The following PCDH11X variants were observed in gnomAD, a reference collection of about 807,000 sequenced individuals.
PCDH11X encodes the protein protocadherin-11 X-linked.
In PCDH11X, 18 loss-of-function variants were observed where a neutral mutation model predicts 53.3. The ratio of observed to expected loss-of-function variants is 0.34; its 90% confidence interval spans 0.23 to 0.50. The LOEUF (loss-of-function observed/expected upper bound fraction) is 0.50. Ranked by LOEUF, PCDH11X falls within the 20% of genes least tolerant of loss-of-function variation. The pLI, the probability that PCDH11X is intolerant of heterozygous loss-of-function variation, is 0.98. For missense variants in PCDH11X, 570 were observed against 1,032.4 expected (o/e 0.55, Z 6.14); for synonymous variants, 279 against 393.3 (o/e 0.71, Z 3.44).
chrX:92,536,212 C>G (rs1398518246), intron 10 of PCDH11X, among the ~76,000 whole-genome samples: 12 of 111,229 alleles, frequency 1.1e-4, no homozygotes. Flanking sequence ...ATTGCATTAT[C>G]AAATTCTCGT....
chrX:91,932,953 C>A, intron 6 of PCDH11X, among the ~76,000 whole-genome samples: 1 of 106,504 alleles, frequency 9.4e-6, no homozygotes, highest in Admixed American at 1.0e-4. Context: ...CTGGAATTAC[C>A]CACCTTTAGT....
chrX:91,875,277 ATTTTTTTT>A (rs1179910381), intron 5 of PCDH11X, among the ~76,000 whole-genome samples: 2 of 63,758 alleles, frequency 3.1e-5, no homozygotes, highest in African/African-American at 7.0e-5. Context: ...CAGGGAGGGG[ATTTTTTTT>A]TTTTTTTTTT....
chrX:92,053,633 C>T (rs1296096694), intron 6 of PCDH11X, among the ~76,000 whole-genome samples: 2 of 105,666 alleles, frequency 1.9e-5, no homozygotes, highest in Non-Finnish European at 3.9e-5. Flanking sequence ...TACAGTGGCA[C>T]AATCTCGGCT....
chrX:91,852,267 G>A (rs981530454), intron 5 of PCDH11X, among the ~76,000 whole-genome samples: 7 of 110,187 alleles, frequency 6.4e-5, no homozygotes, highest in African/African-American at 9.9e-5. Context: ...CTCCCGCCTC[G>A]GCCTCCCAAA....
chrX:91,818,955 C>T (rs767527236), intron 4 of PCDH11X, among the ~76,000 whole-genome samples: 155 of 111,942 alleles, frequency 1.4e-3, no homozygotes, highest in African/African-American at 5.0e-3. Context: ...GAATATTTCT[C>T]AATTACAAGT....
At chrX:92,167,420 C>A (rs1752077057) in intron 6 of PCDH11X, among the ~76,000 whole-genome samples, 1 of 111,454 alleles carries the variant, frequency 9.0e-6, no homozygotes, top group Non-Finnish European at 1.9e-5. Flanking sequence ...TTTTGTGTGT[C>A]TCTTCTATAG....
intron 6 of PCDH11X, among the ~76,000 whole-genome samples, chrX:92,121,645 T>C (rs1242927846): frequency 8.9e-6 from 1 of 112,002 alleles, no homozygotes; most frequent in African/African-American, 3.2e-5. Context: ...TTAGCAATAA[T>C]TGAATAGTTG....
intron 6 of PCDH11X, among the ~76,000 whole-genome samples, chrX:92,146,767 G>A (rs753668345): frequency 1.8e-5 from 2 of 111,191 alleles, no homozygotes; most frequent in South Asian, 7.7e-4. Context: ...GGGAGGCTGA[G>A]GTGGGCAGAT....
chrX:91,919,286 G>A (rs182401821), intron 6 of PCDH11X, among the ~76,000 whole-genome samples: 2,317 of 111,341 alleles, frequency 0.021, 35 homozygotes, highest in South Asian at 0.045. Context: ...TTAATCTAAT[G>A]GCAGCACTGA....
chrX:92,085,635 G>T (rs1247120845), intron 6 of PCDH11X, among the ~76,000 whole-genome samples: 2 of 108,043 alleles, frequency 1.9e-5, no homozygotes, highest in African/African-American at 6.8e-5. Context: ...AATGTCCAAA[G>T]AAATTCTACC....
intron 6 of PCDH11X, among the ~76,000 whole-genome samples, chrX:92,036,692 G>A (rs143323586): frequency 0.018 from 2,009 of 111,070 alleles, 21 homozygotes; most frequent in Non-Finnish European, 0.027. Context: ...AGAGAGGGGC[G>A]CTGCTGAAAA....
intron 6 of PCDH11X, among the ~76,000 whole-genome samples, chrX:91,926,670 G>T (rs1335745954): frequency 9.1e-6 from 1 of 110,062 alleles, no homozygotes; most frequent in East Asian, 2.9e-4. Flanking sequence ...TATATTTTTT[G>T]ATTTGTATTT....
intron 6 of PCDH11X, among the ~76,000 whole-genome samples, chrX:91,907,179 C>T (rs1941189940): frequency 9.1e-6 from 1 of 110,200 alleles, no homozygotes; most frequent in Non-Finnish European, 1.9e-5. Flanking sequence ...TACACTAGTA[C>T]ACTATTATAA....
intron 7 of PCDH11X, among the ~76,000 whole-genome samples, chrX:92,260,966 G>T (rs2067703249): frequency 9.0e-6 from 1 of 111,646 alleles, no homozygotes; most frequent in African/African-American, 3.3e-5. Flanking sequence ...TTTTGTTAAT[G>T]TAATGTTGCC....
intron 5 of PCDH11X, among the ~76,000 whole-genome samples, chrX:91,851,682 G>A (rs1938020967): frequency 8.9e-6 from 1 of 112,045 alleles, no homozygotes; most frequent in Non-Finnish European, 1.9e-5. Flanking sequence ...CAGGTCGGCT[G>A]AGGAAATGAA....
chrX:92,206,490 A>C (rs1442588920), intron 7 of PCDH11X, among the ~76,000 whole-genome samples: 1 of 111,432 alleles, frequency 9.0e-6, no homozygotes, highest in Non-Finnish European at 1.9e-5. Flanking sequence ...ATTAACATTC[A>C]TGATACAGAT....
At position 92,020,113 on chromosome X, in the gene PCDH11X, C is replaced by G. The variant is rs1378118325; in HGVS notation, c.3033+140840C>G. ...CCCATGCCACCAGGGCCTAAGGCCC[C>G]AACCACGGAGCTGCATAGATTCTCA... On this transcript the variant is annotated intron_variant, in intron 6 of 10. Coordinates refer to ENST00000682573, the MANE Select transcript of PCDH11X (RefSeq NM_032968.5). Among the ~76,000 whole-genome samples the G allele has an allele frequency of 4.4e-5, 5 of 112,575 alleles. No individual in the cohort carries two copies. The East Asian group carries it at 1.1e-3, about 25-fold the overall frequency.
At chrX:92,229,047 A>G (rs759471876) in intron 7 of PCDH11X, among the ~76,000 whole-genome samples, 4 of 111,850 alleles carry the variant, frequency 3.6e-5, no homozygotes, top group Non-Finnish European at 7.5e-5. Context: ...TCTCCTTTCA[A>G]TTAAGTACTA....
intron 6 of PCDH11X, among the ~76,000 whole-genome samples, chrX:92,120,204 C>T (rs1319781422): frequency 1.0e-5 from 1 of 99,830 alleles, no homozygotes; most frequent in Non-Finnish European, 2.0e-5. Context: ...TCTGTCACCC[C>T]GGTTGGAGTG....
Sources: allele counts gnomAD v4.1 joint callset (sites outside exome capture counted in the v4.1 genomes callset), GRCh38; gene constraint gnomAD v4.1.1; transcripts MANE v1.5; gene names NCBI Gene and HGNC (gene_info 2026-07-23, HGNC 2026-07-21).